The following GALNT17 variants were observed in gnomAD, a reference collection of about 807,000 sequenced individuals.
GALNT17 encodes polypeptide N-acetylgalactosaminyltransferase 17.
GALNT17 carries 29 observed loss-of-function variants against 63.7 expected under a neutral mutation model. That is an observed-to-expected ratio of 0.46 (90% CI 0.34 to 0.62). GALNT17 has a LOEUF of 0.62. Among genes scored for constraint, GALNT17 ranks in the 20% least tolerant of loss-of-function variants. The pLI is 0.01. For missense variants in GALNT17, 603 were observed against 799.6 expected (o/e 0.75, Z 2.97); for synonymous variants, 305 against 318.3 (o/e 0.96, Z 0.45).
chr7:71,510,084 A>G (rs1788331015), intron 5 of GALNT17, among the ~76,000 whole-genome samples: 1 of 151,998 alleles, frequency 6.6e-6, no homozygotes, highest in African/African-American at 2.4e-5. Context: ...AGCTGGGGCT[A>G]CAGGTGTGCA....
At chr7:71,516,872 A>G (rs1377945393) in intron 5 of GALNT17, among the ~76,000 whole-genome samples, 6 of 152,176 alleles carry the variant, frequency 3.9e-5, no homozygotes, top group African/African-American at 1.4e-4. Context: ...TGTTTGACCT[A>G]CCAAGAAAAC....
chr7:71,179,877 A>C (rs1430339165), intron 1 of GALNT17, among the ~76,000 whole-genome samples: 1 of 152,162 alleles, frequency 6.6e-6, no homozygotes, highest in African/African-American at 2.4e-5. Flanking sequence ...CTGGACCCTT[A>C]AATAAGTTCA....
intron 6 of GALNT17, among the ~76,000 whole-genome samples, chr7:71,630,396 C>G (rs541758821): frequency 1.3e-5 from 2 of 152,320 alleles, no homozygotes; most frequent in South Asian, 2.1e-4. Context: ...CCCTAACACA[C>G]CCATAAGGCC....
At chr7:71,236,646 C>G (rs187282150) in intron 1 of GALNT17, among the ~76,000 whole-genome samples, 5 of 152,278 alleles carry the variant, frequency 3.3e-5, no homozygotes, top group African/African-American at 1.2e-4. Flanking sequence ...ACTCCTGGAT[C>G]GCAGGATGCA....
At chr7:71,485,259 C>A (rs1276322338) in intron 5 of GALNT17, among the ~76,000 whole-genome samples, 2 of 152,094 alleles carry the variant, frequency 1.3e-5, no homozygotes, top group Non-Finnish European at 2.9e-5. Flanking sequence ...GCATGCAACA[C>A]CATGCCCAGC....
intron 5 of GALNT17, among the ~76,000 whole-genome samples, chr7:71,552,700 C>T (rs1789101562): frequency 6.6e-6 from 1 of 152,076 alleles, no homozygotes. Flanking sequence ...CCTCGGCCTC[C>T]CAAAGTGCTG....
intron 5 of GALNT17, among the ~76,000 whole-genome samples, chr7:71,468,495 C>A (rs1384659242): frequency 6.6e-6 from 1 of 152,142 alleles, no homozygotes; most frequent in Non-Finnish European, 1.5e-5. Flanking sequence ...CGGATCACTG[C>A]AGCCTCCATC....
chr7:71,307,800 A>G (rs951195916), intron 1 of GALNT17: 3 of 152,172 alleles, frequency 2.0e-5, no homozygotes, highest in African/African-American at 7.3e-5. Context: ...TTAGAGCACT[A>G]TTTTTAGAAT....
chr7:71,180,963 G>A (rs1411580054), intron 1 of GALNT17, among the ~76,000 whole-genome samples: 1 of 152,100 alleles, frequency 6.6e-6, no homozygotes, highest in East Asian at 1.9e-4. Context: ...GACAATAAAA[G>A]TCATGGCCAG....
intron 9 of GALNT17, among the ~76,000 whole-genome samples, chr7:71,679,406 A>T (rs1791202668): frequency 6.6e-6 from 1 of 152,104 alleles, no homozygotes; most frequent in Non-Finnish European, 1.5e-5. Flanking sequence ...AAAAAAAGAA[A>T]AAAATAAGTG....
intron 9 of GALNT17, among the ~76,000 whole-genome samples, chr7:71,683,435 C>T (rs1052588079): frequency 9.2e-5 from 14 of 152,126 alleles, no homozygotes; most frequent in Admixed American, 2.0e-4. Flanking sequence ...TGTAACCAGG[C>T]GGCTCTCAGC....
chr7:71,592,563 C>CATAGCATAGCATACTAAAA lies in GALNT17; in HGVS notation c.1080+21161_1080+21162insATAGCATAGCATACTAAAA, dbSNP rs373112898. Among the ~76,000 whole-genome samples, 6 of 69,984 alleles carry CATAGCATAGCATACTAAAA rather than the reference C, an allele frequency of 8.6e-5. No homozygotes were observed. The East Asian group carries it at 1.2e-3, about 15-fold the overall frequency. 45.9% of individuals were successfully genotyped at this position (69,984 alleles called of 152,430 possible). The stretch of plus-strand genomic sequence containing the variant: ...AAATAAAATAGCATAGCATAGCATA[C>CATAGCATAGCATACTAAAA]TAAAATAAAATAAAATAAAATAAAA... On this transcript the variant is annotated intron_variant, in intron 6 of 10. Transcript: ENST00000333538.
intron 1 of GALNT17, among the ~76,000 whole-genome samples, chr7:71,216,294 T>C (rs1460380504): frequency 2.0e-5 from 3 of 152,188 alleles, no homozygotes; most frequent in African/African-American, 7.2e-5. Context: ...AAAACTCTGC[T>C]GTACACTTTG....
chr7:71,690,150 G>T (rs1187862828), intron 9 of GALNT17, among the ~76,000 whole-genome samples: 1 of 151,424 alleles, frequency 6.6e-6, no homozygotes, highest in African/African-American at 2.4e-5. Flanking sequence ...TCAGCCTCCC[G>T]AGTAGCTGGG....
intron 6 of GALNT17, among the ~76,000 whole-genome samples, chr7:71,578,626 G>C (rs1372612914): frequency 6.6e-6 from 1 of 152,280 alleles, no homozygotes; most frequent in East Asian, 1.9e-4. Context: ...ACAGCCGTGA[G>C]CCACTGTGCC....
At chr7:71,153,375 T>C (rs1647560838) in intron 1 of GALNT17, among the ~76,000 whole-genome samples, 1 of 152,228 alleles carries the variant, frequency 6.6e-6, no homozygotes, top group African/African-American at 2.4e-5. Flanking sequence ...CTACCAATAC[T>C]GCTCTTTGGA....
intron 9 of GALNT17, among the ~76,000 whole-genome samples, chr7:71,709,578 G>GTT (rs5884857): frequency 0.014 from 1,978 of 143,818 alleles, 20 homozygotes; most frequent in Middle Eastern, 0.036. Context: ...CAGTTTTTGG[G>GTT]TTTTTTTTTT....
intron 3 of GALNT17, 54 bp from the exon 4 acceptor site, chr7:71,415,835 T>G: frequency 6.7e-7 from 1 of 1,501,054 alleles, no homozygotes; most frequent in Non-Finnish European, 8.9e-7. Context: ...GTGGGTTAGA[T>G]GCAAATTTGA....
At chr7:71,679,507 G>A (rs550739413) in intron 9 of GALNT17, among the ~76,000 whole-genome samples, 3 of 152,318 alleles carry the variant, frequency 2.0e-5, no homozygotes, top group African/African-American at 7.2e-5. Flanking sequence ...CAGCTGGTAT[G>A]ATGCAGTCTT....
Sources: gnomAD v4.1 joint callset for allele counts (sites outside exome capture counted in the v4.1 genomes callset) on GRCh38, gnomAD v4.1.1 for gene constraint, MANE v1.5 for transcripts, NCBI Gene and HGNC (gene_info 2026-07-23, HGNC 2026-07-21) for gene names.